The following USP45 variants were observed in gnomAD, a reference collection of about 807,000 sequenced individuals.
The protein encoded by USP45 is ubiquitin specific peptidase 45.
USP45 carries 89 observed loss-of-function variants against 95.8 expected under a neutral mutation model. That is an observed-to-expected ratio of 0.93 (90% CI 0.78 to 1.11). The LOEUF (loss-of-function observed/expected upper bound fraction) is 1.11, where lower values mean the gene tolerates loss of function less well. USP45 is among the 50% of genes least tolerant of loss of function. The pLI is 0.00. For synonymous variants in USP45, 281 were observed against 316.2 expected (o/e 0.89, Z 1.18); for missense variants, 898 against 942.5 (o/e 0.95, Z 0.62).
In USP45 at chr6:99,464,644, T is replaced by G. The variant is rs996815202; in HGVS notation, c.1268A>C (p.Gln423Pro). 4 of 1,613,324 alleles carry G rather than the reference T, an allele frequency of 2.5e-6. No individual in the cohort carries two copies. The highest frequency in any genetic ancestry group is 3.3e-5 in the Admixed American group (2 of 59,992). ...SGNVTIENIH[Q>P]PRAAKKHSSS... ...AGAATGCTTCTTGGCAGCTCTAGGT[T>G]GATGAATATTTTCTATAGTAACATT... The change falls in exon 13 of 18, where the codon CAA becomes CCA. Residue 423 changes from glutamine to proline, a missense_variant. Gln to Pro is a moderately conservative substitution (Grantham distance 76). Coordinates refer to ENST00000500704, the MANE Select transcript of USP45 (RefSeq NM_001346022.3).
chr6:99,514,314 G>C (rs1305724108), intron 1 of USP45, among the ~76,000 whole-genome samples: 1 of 152,138 alleles, frequency 6.6e-6, no homozygotes, highest in Non-Finnish European at 1.5e-5. Flanking sequence ...CAGTTTCCGC[G>C]CAGGGAAGCC....
chr6:99,484,898 C>A (rs1189634714), intron 7 of USP45, among the ~76,000 whole-genome samples: 1 of 151,756 alleles, frequency 6.6e-6, no homozygotes, highest in African/African-American at 2.4e-5. Context: ...CTGAAAGTTA[C>A]CTCAAGGGTC....
At chr6:99,517,801 CTT>C (rs1430163933), upstream of USP45, among the ~76,000 whole-genome samples, 2 of 151,798 alleles carry the variant, frequency 1.3e-5, no homozygotes, top group Non-Finnish European at 2.9e-5. Context: ...AAGATACACT[CTT>C]TATTTTAAAA....
chr6:99,513,039 A>AAAGCAAGTCACATGGCACATTTAACTTC (rs1800261598), intron 1 of USP45, among the ~76,000 whole-genome samples: 1 of 152,130 alleles, frequency 6.6e-6, no homozygotes, highest in African/African-American at 2.4e-5. Context: ...GCTGCTTCCT[A>AAAGCAAGTCACATGGCACATTTAACTTC]AAGCAAGTCA....
Position 99,482,787 on chromosome 6 carries a change from A to G in USP45, c.811T>C (p.Ser271Pro). ...SMKETEKGPL[S>P]PKVLFNQLCQ... ...AGCTGATTAAAAAGAACTTTAGGAG[A>G]AAGTGGTCCTTTTTCAGTCTCCTTC... Residue 271 changes from serine (S) to proline (P), a missense_variant, in exon 8 of 18, where the codon TCT becomes CCT. By Grantham distance (74) the Ser-to-Pro change is moderately conservative (BLOSUM62 -1). Coordinates refer to ENST00000500704, the MANE Select transcript of USP45 (RefSeq NM_001346022.3). The G allele has an allele frequency of 6.2e-7, 1 of 1,605,858 alleles. No individual in the cohort carries two copies. The highest frequency in any genetic ancestry group is 8.5e-7 in the Non-Finnish European group (1 of 1,175,606).
chr6:99,485,557 G>A (rs558456990), intron 7 of USP45, among the ~76,000 whole-genome samples: 5 of 152,110 alleles, frequency 3.3e-5, no homozygotes, highest in Admixed American at 6.6e-5. Flanking sequence ...TACTCATGTG[G>A]GTTAGGGAAG....
intron 9 of USP45, among the ~76,000 whole-genome samples, chr6:99,469,201 AT>A (rs1788702050): frequency 6.6e-6 from 1 of 151,966 alleles, no homozygotes; most frequent in Non-Finnish European, 1.5e-5. Flanking sequence ...AATAATGATT[AT>A]GTTTTCAGCA....
intron 16 of USP45, 39 bp downstream of exon 16, chr6:99,439,727 ATAT>A (rs1781162990): frequency 2.2e-6 from 3 of 1,347,106 alleles, no homozygotes; most frequent in Non-Finnish European, 3.0e-6. Context: ...ACTTTCAAGC[ATAT>A]TAATTTATAA....
Position 99,466,746 on chromosome 6 carries a change from CA to C in USP45, c.1032del (p.Val345Ter). 6.2e-7 allele frequency: 1 copy of C among 1,613,286 alleles called. No individual in the cohort carries two copies. Among genetic ancestry groups the C allele is most frequent in the East Asian group, 2.2e-5 (1 of 44,732 alleles). On this transcript the variant is annotated frameshift_variant, in exon 11 of 18. Coordinates refer to ENST00000500704, the MANE Select transcript of USP45 (RefSeq NM_001346022.3). LOFTEE classifies it high-confidence loss of function. The stretch of plus-strand genomic sequence containing the variant: ...ATCCGATCTATGAAGTTCATTTTCA[CA>C]CCTTCTTTTCCATATGCTGTAAAAA... ...RKKVKAYGKE[G>X]VKMNFIDRIF...
intron 9 of USP45, among the ~76,000 whole-genome samples, chr6:99,474,740 G>A (rs1790372540): frequency 6.6e-6 from 1 of 152,174 alleles, no homozygotes; most frequent in Non-Finnish European, 1.5e-5. Flanking sequence ...GGACTGTTAG[G>A]AACGATCAGC....
At chr6:99,487,633 CAAAAAAAAAAAA>C (rs11335830) in intron 7 of USP45, among the ~76,000 whole-genome samples, 26 of 106,392 alleles carry the variant, frequency 2.4e-4, no homozygotes, top group African/African-American at 9.5e-4. Flanking sequence ...ACTAAAAATA[CAAAAAAAAAAAA>C]AAAAAAAAAA....
At chr6:99,456,268 A>T (rs1785073918) in intron 13 of USP45, among the ~76,000 whole-genome samples, 1 of 152,120 alleles carries the variant, frequency 6.6e-6, no homozygotes, top group Non-Finnish European at 1.5e-5. Flanking sequence ...GTACAAAGAC[A>T]GAGTTAGAAG....
At chr6:99,452,844 G>A (rs1184334370) in intron 13 of USP45, among the ~76,000 whole-genome samples, 1 of 152,130 alleles carries the variant, frequency 6.6e-6, no homozygotes, top group Non-Finnish European at 1.5e-5. Context: ...ATACTATGCA[G>A]CCATAAAAAA....
chr6:99,482,676 G>A lies in USP45; in HGVS notation c.845+77C>T, dbSNP rs1388885845. 5 of 1,358,212 alleles carry A rather than the reference G, an allele frequency of 3.7e-6. No homozygotes were observed. In the African/African-American group the frequency reaches 4.4e-5, roughly 12 times the overall value. 84.1% of individuals were successfully genotyped at this position (1,358,212 alleles called of 1,614,324 possible). On this transcript the variant is annotated intron_variant, in intron 8 of 17. Transcript: ENST00000500704. ...ATAAGAGCAAAGTTACAGTAAAAAC[G>A]ACTATTCATGTTAAATGATGAATAC...
chr6:99,453,625 T>G (rs994194345), intron 13 of USP45, among the ~76,000 whole-genome samples: 1 of 152,186 alleles, frequency 6.6e-6, no homozygotes, highest in African/African-American at 2.4e-5. Flanking sequence ...AAAATTCCAA[T>G]GACGTTTTTC....
chr6:99,494,098 A>AC (rs1795785732), intron 5 of USP45, among the ~76,000 whole-genome samples: 1 of 152,224 alleles, frequency 6.6e-6, no homozygotes, highest in African/African-American at 2.4e-5. Flanking sequence ...CTACAAAAAA[A>AC]GTGGTCTGCA....
At chr6:99,466,836 G>T in intron 10 of USP45, 73 bp from the exon 11 acceptor site, 1 of 1,118,660 alleles carries the variant, frequency 8.9e-7, no homozygotes, top group Non-Finnish European at 1.3e-6. Flanking sequence ...GCTATCTTCT[G>T]GTTATTCAAA....
At chr6:99,482,070 A>G (rs4840052) in intron 8 of USP45, among the ~76,000 whole-genome samples, 135,544 of 152,204 alleles carry the variant, frequency 0.89, 60,662 homozygotes, top group Non-Finnish European at 0.94. Context: ...ATACAAAAAC[A>G]CAAGCTCATA....
Position 99,433,244 on chromosome 6 carries a change from TATC to T in USP45, c.*2469_*2471del, listed in dbSNP as rs1779980302. The T allele has an allele frequency of 6.5e-6, 1 of 152,684 alleles. No homozygotes were observed. Among genetic ancestry groups the T allele is most frequent in the African/African-American group, 2.4e-5 (1 of 41,464 alleles). 9.5% of individuals were successfully genotyped at this position (152,684 alleles called of 1,614,324 possible). On this transcript the variant is annotated 3_prime_UTR_variant, in exon 18 of 18. Transcript: ENST00000500704. ...CAATATTGGCACATAATCAATATTTTATCATTTTATATTTGGAAAAAAACGGGA... is the reference window on the plus strand; with the variant it reads ...CAATATTGGCACATAATCAATATTTTATTTTATATTTGGAAAAAAACGGGA...
Sources: allele counts gnomAD v4.1 joint callset (sites outside exome capture counted in the v4.1 genomes callset), GRCh38; gene constraint gnomAD v4.1.1; transcripts MANE v1.5; gene names NCBI Gene and HGNC (gene_info 2026-07-23, HGNC 2026-07-21).